Variants in DOCK3 observed in about 807,000 individuals in gnomAD.
DOCK3 encodes the protein dedicator of cytokinesis protein 3.
A neutral mutation model predicts 265.6 loss-of-function variants in DOCK3; 60 were observed. That is an observed-to-expected ratio of 0.23 (90% CI 0.18 to 0.28). The LOEUF is 0.28. DOCK3 is among the 10% of genes least tolerant of loss of function. The pLI is 1.00. For synonymous variants in DOCK3, 881 were observed against 938.0 expected (o/e 0.94, Z 1.11); for missense variants, 1,981 against 2,594.3 (o/e 0.76, Z 5.14).
At chr3:51,068,474 A>C (rs1332611189) in intron 6 of DOCK3, among the ~76,000 whole-genome samples, 1 of 135,414 alleles carries the variant, frequency 7.4e-6, no homozygotes, top group African/African-American at 2.7e-5. Context: ...CAGGAGGCGG[A>C]GCTTGCAGTG....
At chr3:50,911,385 T>C (rs1273666911) in intron 4 of DOCK3, among the ~76,000 whole-genome samples, 5 of 152,150 alleles carry the variant, frequency 3.3e-5, no homozygotes, top group Admixed American at 3.3e-4. Context: ...GGATAGTTAG[T>C]ATTCCTAGCA....
intron 12 of DOCK3, among the ~76,000 whole-genome samples, chr3:51,167,193 G>C (rs1477224176): frequency 6.6e-6 from 1 of 152,074 alleles, no homozygotes; most frequent in Non-Finnish European, 1.5e-5. Flanking sequence ...AGTTTTCCCA[G>C]CATCACTTAT....
chr3:51,249,686 T>C (rs1257643336), intron 22 of DOCK3, among the ~76,000 whole-genome samples: 4 of 120,658 alleles, frequency 3.3e-5, no homozygotes, highest in African/African-American at 9.7e-5. Context: ...AGCCGCCCCG[T>C]CCGGGAGGTG....
chr3:51,036,283 T>A (rs1290996452), intron 5 of DOCK3, among the ~76,000 whole-genome samples: 2 of 152,222 alleles, frequency 1.3e-5, no homozygotes, highest in Non-Finnish European at 2.9e-5. Flanking sequence ...CAATACTATA[T>A]TCCTCCTTGA....
At chr3:51,020,184 T>A (rs755995230) in intron 5 of DOCK3, among the ~76,000 whole-genome samples, 2 of 151,962 alleles carry the variant, frequency 1.3e-5, no homozygotes, top group African/African-American at 2.4e-5. Context: ...TAAGATGGTA[T>A]CTCATTATGG....
At chr3:51,266,961 G>C (rs62257500) in intron 23 of DOCK3, among the ~76,000 whole-genome samples, 1 of 151,910 alleles carries the variant, frequency 6.6e-6, no homozygotes, top group African/African-American at 2.4e-5. Flanking sequence ...AATCTACAAA[G>C]AACTTAAACA....
At chr3:51,252,111 A>C (rs1244639422) in intron 22 of DOCK3, among the ~76,000 whole-genome samples, 3 of 152,180 alleles carry the variant, frequency 2.0e-5, no homozygotes, top group African/African-American at 7.2e-5. Flanking sequence ...CCATTTATTA[A>C]ATAGGGAATC....
At chr3:50,803,605 G>A (rs1284402595) in intron 2 of DOCK3, among the ~76,000 whole-genome samples, 1 of 125,414 alleles carries the variant, frequency 8.0e-6, no homozygotes, top group African/African-American at 2.7e-5. Flanking sequence ...CCCAGACGGG[G>A]TGGCGGCCGG....
chr3:50,883,339 A>T (rs1226305920), intron 3 of DOCK3, among the ~76,000 whole-genome samples: 1 of 151,464 alleles, frequency 6.6e-6, no homozygotes, highest in Non-Finnish European at 1.5e-5. Flanking sequence ...TTTTCTTTAT[A>T]AAAAAAAATG....
intron 4 of DOCK3, among the ~76,000 whole-genome samples, chr3:50,907,536 T>A (rs2049591903): frequency 6.6e-6 from 1 of 152,136 alleles, no homozygotes; most frequent in Admixed American, 6.5e-5. Context: ...TTGATCTTTG[T>A]TGGTTTAAAG....
chr3:50,821,067 T>A (rs1405821795), intron 2 of DOCK3, among the ~76,000 whole-genome samples: 2 of 151,846 alleles, frequency 1.3e-5, no homozygotes, highest in African/African-American at 2.4e-5. Context: ...ATGCATAGTT[T>A]GCAAATATTT....
intron 12 of DOCK3, among the ~76,000 whole-genome samples, chr3:51,172,990 C>G (rs2086761637): frequency 6.6e-6 from 1 of 152,192 alleles, no homozygotes; most frequent in Non-Finnish European, 1.5e-5. Context: ...TAACCATTAA[C>G]AAATTATTGT....
intron 2 of DOCK3, among the ~76,000 whole-genome samples, chr3:50,801,869 T>C (rs1422962010): frequency 1.3e-5 from 2 of 152,216 alleles, no homozygotes; most frequent in African/African-American, 4.8e-5. Context: ...GTTTTATATG[T>C]CTGGGTGTTC....
chr3:50,901,800 A>G (rs1434112764), intron 4 of DOCK3: 1 of 411,478 alleles, frequency 2.4e-6, no homozygotes, highest in Non-Finnish European at 4.9e-6. Flanking sequence ...TGTGGGTTGC[A>G]CCCACTGTCT....
intron 9 of DOCK3, among the ~76,000 whole-genome samples, chr3:51,092,702 C>T (rs1057191301): frequency 6.6e-6 from 1 of 152,130 alleles, no homozygotes; most frequent in Non-Finnish European, 1.5e-5. Flanking sequence ...CCCTGACCCC[C>T]ATATATCCTG....
chr3:51,242,270 T>A (rs2078644073), intron 21 of DOCK3, among the ~76,000 whole-genome samples: 2 of 152,096 alleles, frequency 1.3e-5, no homozygotes, highest in Non-Finnish European at 2.9e-5. Context: ...GTTCTCTGGC[T>A]CCTTAAGGTT....
intron 12 of DOCK3, among the ~76,000 whole-genome samples, chr3:51,187,698 A>G (rs1172789976): frequency 6.7e-6 from 1 of 149,936 alleles, no homozygotes; most frequent in Non-Finnish European, 1.5e-5. Flanking sequence ...GTTCTCATGA[A>G]TGGGTCTCTT....
At chr3:51,101,626 A>G (rs935707559) in intron 9 of DOCK3, among the ~76,000 whole-genome samples, 1 of 152,232 alleles carries the variant, frequency 6.6e-6, no homozygotes, top group Admixed American at 6.5e-5. Context: ...TTTCCTTAGA[A>G]TATTACTAAT....
At chr3:50,836,058 A>T (rs2045489879) in intron 2 of DOCK3, among the ~76,000 whole-genome samples, 1 of 152,244 alleles carries the variant, frequency 6.6e-6, no homozygotes, top group Non-Finnish European at 1.5e-5. Flanking sequence ...CATAATGTGA[A>T]TTTCTGATAC....
Sources: allele counts gnomAD v4.1 joint callset (sites outside exome capture counted in the v4.1 genomes callset), GRCh38; gene constraint gnomAD v4.1.1; transcripts MANE v1.5; gene names NCBI Gene and HGNC (gene_info 2026-07-23, HGNC 2026-07-21).